Variants in SDK1 observed in about 807,000 individuals in gnomAD.
SDK1 encodes the protein protein sidekick-1.
A neutral mutation model predicts 245.5 loss-of-function variants in SDK1; 157 were observed. The observed-to-expected ratio is 0.64, with a 90% CI of 0.56 to 0.73. The LOEUF is 0.73. Ranked by LOEUF, SDK1 falls within the 30% of genes least tolerant of loss-of-function variation. SDK1 has a pLI of 0.00. For missense variants in SDK1, 3,583 were observed against 3,002.3 expected (o/e 1.19, Z -4.52); for synonymous variants, 1,647 against 1,278.5 (o/e 1.29, Z -6.15).
At chr7:3,332,019 G>A (rs937887696) in intron 1 of SDK1, among the ~76,000 whole-genome samples, 10 of 151,848 alleles carry the variant, frequency 6.6e-5, no homozygotes, top group Non-Finnish European at 1.2e-4. Flanking sequence ...ATTTTATTTC[G>A]ACCAGTATTA....
rs376944116 is a variant in SDK1 at position 4,233,427 on chromosome 7, C to T, written c.5992+8C>T. On this transcript the variant is annotated splice_region_variant and intron_variant, in intron 41 of 44. Coordinates refer to ENST00000404826, the MANE Select transcript of SDK1 (RefSeq NM_152744.4). ...CCTCCACGGCTGTGTCAGGTAGGCC[C>T]TCCCAGGGAGGTCTGTCTTCTTCTG... The T allele has an allele frequency of 5.6e-6, 9 of 1,609,520 alleles. No homozygotes were observed. Among genetic ancestry groups the T allele is most frequent in the Non-Finnish European group, 7.6e-6 (9 of 1,179,072 alleles).
chr7:3,998,729 TCATG>T (rs1299862737), intron 14 of SDK1, among the ~76,000 whole-genome samples: 1 of 152,208 alleles, frequency 6.6e-6, no homozygotes, highest in Non-Finnish European at 1.5e-5. Flanking sequence ...TCCCATATCT[TCATG>T]TTTTCTAACA....
At chr7:4,246,926 G>C (rs896434410) in intron 44 of SDK1, among the ~76,000 whole-genome samples, 2 of 152,212 alleles carry the variant, frequency 1.3e-5, no homozygotes, top group African/African-American at 4.8e-5. Context: ...CCACGAGGGG[G>C]CTCTAAGCAG....
intron 17 of SDK1, among the ~76,000 whole-genome samples, chr7:4,047,554 C>T (rs981075803): frequency 5.3e-5 from 8 of 152,298 alleles, no homozygotes; most frequent in Non-Finnish European, 1.0e-4. Flanking sequence ...ATGAAATATG[C>T]GTAGTTCTTA....
intron 2 of SDK1, among the ~76,000 whole-genome samples, chr7:3,634,181 C>G (rs996017875): frequency 3.3e-5 from 5 of 152,148 alleles, no homozygotes; most frequent in Admixed American, 3.3e-4. Flanking sequence ...TAAGCCCCAT[C>G]TCCACAAAAG....
At position 4,262,465 on chromosome 7, in the gene SDK1, G is replaced by GA. The variant is rs919018234; in HGVS notation, c.6382-2649dup. Among the ~76,000 whole-genome samples the GA allele has an allele frequency of 2.3e-3, 339 of 144,704 alleles. 2 individuals are homozygous for GA. The highest frequency in any genetic ancestry group is 0.019 in the South Asian group (86 of 4,478). 94.9% of individuals were successfully genotyped at this position (144,704 alleles called of 152,430 possible). ...AGCTGCTGATTTATTTTATAAAAAGGAAAAAAAAAAGCCTCAAAGGGACTG... is the reference window on the plus strand; with the variant it reads ...AGCTGCTGATTTATTTTATAAAAAGGAAAAAAAAAAAGCCTCAAAGGGACTG... On this transcript the variant is annotated intron_variant, in intron 44 of 44. Transcript: ENST00000404826.
At chr7:4,147,529 A>G (rs879819088) in intron 29 of SDK1, among the ~76,000 whole-genome samples, 3 of 152,078 alleles carry the variant, frequency 2.0e-5, no homozygotes, top group Non-Finnish European at 4.4e-5. Flanking sequence ...CAGCCTCCCA[A>G]AGCTCTGGGA....
intron 1 of SDK1, among the ~76,000 whole-genome samples, chr7:3,579,751 C>G (rs1420417518): frequency 6.6e-6 from 1 of 152,130 alleles, no homozygotes; most frequent in African/African-American, 2.4e-5. Context: ...AGCAGTGTTG[C>G]AATTCCCCAA....
chr7:3,434,808 G>GC (rs1779972016), intron 1 of SDK1, among the ~76,000 whole-genome samples: 1 of 152,090 alleles, frequency 6.6e-6, no homozygotes, highest in African/African-American at 2.4e-5. Context: ...AGAATCATGG[G>GC]GGGGGACAGA....
chr7:3,944,138 A>G (rs1312323182), intron 5 of SDK1, among the ~76,000 whole-genome samples: 3 of 152,250 alleles, frequency 2.0e-5, no homozygotes, highest in African/African-American at 7.2e-5. Context: ...AGGAGGAGGC[A>G]GCATTATGTA....
In SDK1 at chr7:4,227,367, G is replaced by A. The variant is rs1460593033; in HGVS notation, c.5828-5888G>A. On this transcript the variant is annotated intron_variant, in intron 40 of 44. Coordinates refer to ENST00000404826, the MANE Select transcript of SDK1 (RefSeq NM_152744.4). The stretch of plus-strand genomic sequence containing the variant: ...TCAGCCTGCAACACGGGCTTTCTTC[G>A]TCATCTTAACATGCAATGCATTTTG... The A allele has an allele frequency of 4.0e-5, 19 of 470,586 alleles. No individual in the cohort carries two copies. The Middle Eastern group carries it at 9.7e-4, about 24-fold the overall frequency. 29.2% of individuals were successfully genotyped at this position (470,586 alleles called of 1,614,324 possible). A position where few individuals can be genotyped will look rare whatever the true frequency, so the allele number is the denominator to read the frequency against.
At chr7:3,501,700 T>C (rs988239641) in intron 1 of SDK1, among the ~76,000 whole-genome samples, 3 of 152,236 alleles carry the variant, frequency 2.0e-5, no homozygotes, top group African/African-American at 7.2e-5. Context: ...TTGTTCTAGT[T>C]ACTGGTCCAT....
intron 1 of SDK1, among the ~76,000 whole-genome samples, chr7:3,606,601 G>A (rs772790708): frequency 6.6e-6 from 1 of 152,190 alleles, no homozygotes; most frequent in South Asian, 2.1e-4. Context: ...CCACATCAGC[G>A]ACTTTGTACT....
rs113730308 is a variant in SDK1, at chr7:3,851,666, T to C, written c.847+30083T>C. Among the ~76,000 whole-genome samples the C allele has an allele frequency of 7.8e-3, 1,187 of 152,282 alleles. 14 individuals carry two copies. Among genetic ancestry groups the C allele is most frequent in the African/African-American group, 0.027 (1,110 of 41,540 alleles). ...TTCACTGGCATTGGGCGGCTTGATATATGTGATTTATGGGAACACCTTTCA... is the reference window on the plus strand; with the variant it reads ...TTCACTGGCATTGGGCGGCTTGATACATGTGATTTATGGGAACACCTTTCA... On this transcript the variant is annotated intron_variant, in intron 5 of 44. Coordinates refer to ENST00000404826, the MANE Select transcript of SDK1 (RefSeq NM_152744.4).
rs998742625 is a variant in SDK1, at chr7:4,268,804, G to A, written c.*3420G>A. The A allele has an allele frequency of 3.9e-6, 5 of 1,281,850 alleles. No homozygotes were observed. The highest frequency in any genetic ancestry group is 1.2e-5 in the South Asian group (1 of 86,250). 79.4% of individuals were successfully genotyped at this position (1,281,850 alleles called of 1,614,324 possible). On this transcript the variant is annotated 3_prime_UTR_variant, in exon 45 of 45. Transcript: ENST00000404826. ...ACGTGGAAACTCATGAGCTGAGCCT[G>A]CCCGCTGGGACACGTCTCCTTCCCG...
intron 4 of SDK1, among the ~76,000 whole-genome samples, chr7:3,687,991 T>G (rs1784339669): frequency 6.6e-6 from 1 of 152,160 alleles, no homozygotes; most frequent in African/African-American, 2.4e-5. Context: ...CAAAGATTAT[T>G]AGAGAAGGTT....
chr7:3,875,489 C>T (rs1377608472), intron 5 of SDK1, among the ~76,000 whole-genome samples: 2 of 152,226 alleles, frequency 1.3e-5, no homozygotes, highest in African/African-American at 2.4e-5. Context: ...GCTCTCGGAG[C>T]GAGTTTTTGC....
rs139920259 is a variant in SDK1 at position 4,097,461 on chromosome 7, G to A, written c.3325-13202G>A. ...GAAGGAAGGCGTCATGCCAGGAAGC[G>A]CCTGTGAGCAGGTGGACAGGGCATC... On this transcript the variant is annotated intron_variant, in intron 22 of 44. Coordinates refer to ENST00000404826, the MANE Select transcript of SDK1 (RefSeq NM_152744.4). Among the ~76,000 whole-genome samples the A allele has an allele frequency of 4.6e-4, 70 of 152,346 alleles. 1 individual carries two copies. Among genetic ancestry groups the A allele is most frequent in the East Asian group, 3.3e-3 (17 of 5,184 alleles).
At chr7:3,872,641 T>G (rs1479582121) in intron 5 of SDK1, among the ~76,000 whole-genome samples, 1 of 151,726 alleles carries the variant, frequency 6.6e-6, no homozygotes, top group Non-Finnish European at 1.5e-5. Flanking sequence ...TCGAATATTG[T>G]AGTTGTGCCT....
Sources: gnomAD v4.1 joint callset for allele counts (sites outside exome capture counted in the v4.1 genomes callset) on GRCh38, gnomAD v4.1.1 for gene constraint, MANE v1.5 for transcripts, NCBI Gene and HGNC (gene_info 2026-07-23, HGNC 2026-07-21) for gene names.